Variants in PABPC1L observed in about 807,000 individuals in gnomAD.
PABPC1L encodes the protein polyadenylate-binding protein 1-like.
PABPC1L carries 31 observed loss-of-function variants against 66.6 expected under a neutral mutation model. The ratio of observed to expected loss-of-function variants is 0.47; its 90% CI spans 0.35 to 0.63. PABPC1L has a LOEUF of 0.63. Among genes scored for constraint, PABPC1L ranks in the 20% least tolerant of loss-of-function variants. PABPC1L has a pLI of 0.00. For synonymous variants in PABPC1L, 348 were observed against 335.1 expected, an observed-to-expected ratio of 1.04 and a Z score of -0.42; for missense variants, 722 against 848.8, an observed-to-expected ratio of 0.85 and a Z score of 1.86.
intron 7 of PABPC1L, among the ~76,000 whole-genome samples, chr20:44,925,276 T>C (rs1266890640): frequency 6.6e-6 from 1 of 151,776 alleles, no homozygotes; most frequent in Non-Finnish European, 1.5e-5. Flanking sequence ...TTCTTCATTC[T>C]ATACTTAAAT....
At position 44,912,206 on chromosome 20, in the gene PABPC1L, A is replaced by G. The variant is rs544432191; in HGVS notation, c.194-454A>G. Among the ~76,000 whole-genome samples, 3 of 152,252 alleles carry G rather than the reference A, an allele frequency of 2.0e-5. No individual in the cohort carries two copies. In the South Asian group the frequency reaches 6.2e-4, roughly 32 times the overall value. On this transcript the variant is annotated intron_variant, in intron 1 of 14. Coordinates refer to ENST00000217073, the MANE Select transcript of PABPC1L (RefSeq NM_001372179.1). The stretch of plus-strand genomic sequence containing the variant: ...TTTCCCCAGAGCCGGACTGCTTGAG[A>G]TCTAACCTCAGCTCTGCCCTGCAGC...
chr20:44,910,312 A>G lies in PABPC1L; in HGVS notation c.169A>G (p.Ile57Val), dbSNP rs1315926523. ...ATRRSLGYAY[I>V]NFQQPADAER... ...CCGGCGCTCGCTGGGCTACGCCTAC[A>G]TCAACTTCCAGCAGCCCGCGGACGG... Residue 57 changes from isoleucine (I) to valine (V), a missense_variant, in exon 1 of 15, where the codon ATC (isoleucine) becomes GTC (valine). Ile to Val is a conservative substitution (Grantham distance 29, BLOSUM62 3). This residue lies in a region of PABPC1L where 284 missense variants were observed against 294.8 expected (regional missense o/e 0.96). Transcript: ENST00000217073. 2.0e-6 allele frequency: 3 copies of G among 1,527,414 alleles called. No individual in the cohort carries two copies. The highest frequency in any genetic ancestry group is 2.6e-6 in the Non-Finnish European group (3 of 1,132,224). 94.6% of individuals were successfully genotyped at this position (1,527,414 alleles called of 1,614,324 possible). A position where few individuals can be genotyped will look rare whatever the true frequency, so the allele number is the denominator to read the frequency against.
intron 3 of PABPC1L, 28 bp downstream of exon 3, chr20:44,916,899 G>A (rs748996012): frequency 1.4e-5 from 23 of 1,597,464 alleles, no homozygotes; most frequent in East Asian, 2.2e-5. Flanking sequence ...AGGGAGGGGC[G>A]GAGGCTGCAG....
At chr20:44,937,308 C>T (rs189376071) in intron 12 of PABPC1L, 71 of 273,878 alleles carry the variant, frequency 2.6e-4, no homozygotes, top group African/African-American at 1.5e-3. Context: ...TACTGCATGG[C>T]CCCCGAGACC....
At chr20:44,936,310 C>G (rs143845536) in intron 11 of PABPC1L, among the ~76,000 whole-genome samples, 1 of 152,064 alleles carries the variant, frequency 6.6e-6, no homozygotes, top group South Asian at 2.1e-4. Flanking sequence ...AGAGGTGTGC[C>G]GGGGACATGT....
intron 8 of PABPC1L, 56 bp from the exon 9 acceptor site, chr20:44,932,286 C>T: frequency 7.0e-7 from 1 of 1,427,396 alleles, no homozygotes; most frequent in Non-Finnish European, 9.7e-7. Context: ...GGAGGTGTAG[C>T]TTCTCACCTA....
At chr20:44,910,968 G>T (rs1458639266) in intron 1 of PABPC1L, among the ~76,000 whole-genome samples, 1 of 152,246 alleles carries the variant, frequency 6.6e-6, no homozygotes, top group East Asian at 1.9e-4. Context: ...TCTGTTGAGA[G>T]TGGAGAGGAT....
chr20:44,919,067 CG>C lies in PABPC1L; in HGVS notation c.643+28del, dbSNP rs148051066. 104 of 1,610,096 alleles carry C rather than the reference CG, an allele frequency of 6.5e-5. 2 individuals carry two copies. In the East Asian group the frequency reaches 1.8e-3, roughly 28 times the overall value. On this transcript the variant is annotated intron_variant, in intron 4 of 14. Transcript: ENST00000217073. ...TTTGGTGGGTGTGTCCCCAAGGGAGCGGGGGGATCACTGTTTTTCCTCTTCC... is the reference window on the plus strand; with the variant it reads ...TTTGGTGGGTGTGTCCCCAAGGGAGCGGGGGATCACTGTTTTTCCTCTTCC...
At position 44,935,583 on chromosome 20, in the gene PABPC1L, T is replaced by A. The variant is rs528464302; in HGVS notation, c.1566+86T>A. ...TAGCTAAGGTGTTGGGCCTTGGCTT[T>A]TTTTCTTTTCTTGGCTTGTAAAGTT... On this transcript the variant is annotated intron_variant, in intron 11 of 14. Transcript: ENST00000217073. 245 of 1,115,372 alleles carry A rather than the reference T, an allele frequency of 2.2e-4. 1 individual carries two copies. The African/African-American group carries it at 3.4e-3, about 15-fold the overall frequency. The allele number at this position is 1,115,372 out of a possible 1,614,324, so 69.1% of individuals were successfully genotyped here.
chr20:44,921,839 G>A, intron 6 of PABPC1L, 108 bp downstream of exon 6: 1 of 1,522,444 alleles, frequency 6.6e-7, no homozygotes, highest in South Asian at 1.2e-5. Flanking sequence ...TGGGCACTTG[G>A]CTCAAGGCGG....
chr20:44,927,890 C>T (rs2066821201), intron 7 of PABPC1L, among the ~76,000 whole-genome samples: 1 of 151,954 alleles, frequency 6.6e-6, no homozygotes, highest in Admixed American at 6.6e-5. Context: ...TCTCAAACCC[C>T]TGGGCTCAAG....
At chr20:44,921,807 T>C (rs1482639878) in intron 6 of PABPC1L, 76 bp downstream of exon 6, 158 of 1,587,288 alleles carry the variant, frequency 1.0e-4, no homozygotes, top group Non-Finnish European at 1.3e-4. Flanking sequence ...GTGGTGACTG[T>C]TTCTTCTAGT....
chr20:44,931,649 C>G (rs1287964018), intron 8 of PABPC1L: 2 of 151,922 alleles, frequency 1.3e-5, no homozygotes, highest in Non-Finnish European at 2.9e-5. Context: ...TGCGTGCCAC[C>G]ACACTCAGCT....
chr20:44,919,217 C>G lies in PABPC1L; in HGVS notation c.678C>G (p.Asn226Lys), dbSNP rs1381654416. Residue 226 changes from asparagine (N) to lysine (K), a missense_variant, in exon 5 of 15, where the codon AAC becomes AAG. Asn to Lys is a moderately conservative substitution (Grantham distance 94). Transcript: ENST00000217073. Reference protein sequence around the residue: ...KMLSVKVMRDNSGHSRCFGFV... With the variant: ...KMLSVKVMRDKSGHSRCFGFV... ...TGAGTGTGAAGGTGATGAGGGACAACAGCGGCCACTCGCGGTGCTTTGGCT... is the reference window on the plus strand; with the variant it reads ...TGAGTGTGAAGGTGATGAGGGACAAGAGCGGCCACTCGCGGTGCTTTGGCT... The G allele has an allele frequency of 1.2e-6, 2 of 1,614,202 alleles. No homozygotes were observed. Among genetic ancestry groups the G allele is most frequent in the Non-Finnish European group, 8.5e-7 (1 of 1,180,040 alleles).
Position 44,910,331 on chromosome 20 carries a change from C to A in PABPC1L, c.188C>A (p.Ala63Glu). 6.6e-7 allele frequency: 1 copy of A among 1,507,856 alleles called. No homozygotes were observed. Among genetic ancestry groups the A allele is most frequent in the South Asian group, 1.2e-5 (1 of 81,044 alleles). The allele number at this position is 1,507,856 out of a possible 1,614,324, so 93.4% of individuals were successfully genotyped here. ...GCCTACATCAACTTCCAGCAGCCCG[C>A]GGACGGTGAGCCCCGGGGATGGGGC... is the stretch of plus-strand genomic sequence containing the variant. Reference protein sequence around the residue: ...GYAYINFQQPADAERALDTMN... With the variant: ...GYAYINFQQPEDAERALDTMN... The change falls in exon 1 of 15, where the codon GCG (alanine) becomes GAG (glutamate). Residue 63 changes from alanine (A) to glutamate (E), a missense_variant. Ala to Glu is a moderately radical substitution (Grantham distance 107, BLOSUM62 -1). Around this residue, in one of 3 missense-constraint regions of PABPC1L, gnomAD observed 284 missense variants for 294.8 expected, o/e 0.96. Coordinates refer to ENST00000217073, the MANE Select transcript of PABPC1L (RefSeq NM_001372179.1).
At chr20:44,913,492 A>G (rs930023129) in intron 2 of PABPC1L, among the ~76,000 whole-genome samples, 21 of 151,930 alleles carry the variant, frequency 1.4e-4, no homozygotes, top group Middle Eastern at 6.8e-3. Context: ...GCTTACTGCA[A>G]CTTCCTGGGT....
At position 44,937,513 on chromosome 20, in the gene PABPC1L, C is replaced by T. The variant is rs539648539; in HGVS notation, c.1661-548C>T. On this transcript the variant is annotated intron_variant, in intron 12 of 14. Coordinates refer to ENST00000217073, the MANE Select transcript of PABPC1L (RefSeq NM_001372179.1). Reference sequence around the variant, plus strand: ...CACTGCAACCTCCACCTCCCGGGTTCAAGTGATTCTCCTGCCTCAGCCTTC... The same window carrying T: ...CACTGCAACCTCCACCTCCCGGGTTTAAGTGATTCTCCTGCCTCAGCCTTC... 3.3e-5 allele frequency among the ~76,000 whole-genome samples: 5 copies of T among 152,242 alleles called. No individual in the cohort carries two copies. The South Asian group carries it at 1.0e-3, about 32-fold the overall frequency.
At chr20:44,915,152 G>C (rs529846428) in intron 2 of PABPC1L, among the ~76,000 whole-genome samples, 2 of 152,314 alleles carry the variant, frequency 1.3e-5, no homozygotes, top group African/African-American at 4.8e-5. Context: ...CACCCACTGG[G>C]GAGCCTCAAA....
At chr20:44,920,161 C>T (rs2066763531) in intron 5 of PABPC1L, among the ~76,000 whole-genome samples, 1 of 152,170 alleles carries the variant, frequency 6.6e-6, no homozygotes, top group Non-Finnish European at 1.5e-5. Context: ...ACATCATTAA[C>T]ACACACAGTC....
Sources: allele counts gnomAD v4.1 joint callset (sites outside exome capture counted in the v4.1 genomes callset), GRCh38; gene constraint gnomAD v4.1.1; regional missense constraint gnomAD v4.1.1; transcripts MANE v1.5; gene names NCBI Gene and HGNC (gene_info 2026-07-23, HGNC 2026-07-21).